Variants in PTPRF observed in about 807,000 individuals in gnomAD.
The protein encoded by PTPRF is protein tyrosine phosphatase receptor type F, also known as receptor-type tyrosine-protein phosphatase F.
In PTPRF, 59 loss-of-function variants were observed where a neutral mutation model predicts 201.8. The observed-to-expected ratio is 0.29, with a 90% CI of 0.24 to 0.36. PTPRF has a LOEUF of 0.36. Among genes scored for constraint, PTPRF ranks in the 10% least tolerant of loss-of-function variants. The pLI is 1.00. For missense variants in PTPRF, 2,132 were observed against 2,690.5 expected (o/e 0.79, Z 4.59); for synonymous variants, 1,088 against 1,089.7 (o/e 1.00, Z 0.03).
intron 11 of PTPRF, among the ~76,000 whole-genome samples, chr1:43,592,962 C>G (rs1471507418): frequency 2.0e-5 from 3 of 152,130 alleles, no homozygotes; most frequent in African/African-American, 7.2e-5. Flanking sequence ...TGCCATGTCC[C>G]AGACCTGCTT....
chr1:43,525,170 G>A (rs1643059810), upstream of PTPRF: 1 of 152,286 alleles, frequency 6.6e-6, no homozygotes, highest in African/African-American at 2.4e-5. Context: ...AAAGGAGAGA[G>A]CTGAGGAGAG....
Position 43,588,837 on chromosome 1 carries a change from C to T in PTPRF, c.786C>T (p.Tyr262=), listed in dbSNP as rs755196035. 232 of 1,613,980 alleles carry T rather than the reference C, an allele frequency of 1.4e-4. 1 individual carries two copies. The highest frequency in any genetic ancestry group is 1.2e-3 in the East Asian group (55 of 44,896). The change falls in exon 8 of 34, where the codon TAC becomes TAT. Residue 262 remains tyrosine, a synonymous_variant. Transcript: ENST00000359947. The surrounding 1 kb of genome is among the most constrained non-coding windows in gnomAD (Gnocchi z 5.3). ...TCVAVGAPMP[Y]VKWMMGAEEL... ...TGGCAGTGGGTGCACCCATGCCCTA[C>T]GTGAAGTGGATGATGGGGGCCGAGG...
chr1:43,576,674 T>C (rs1430776324), intron 6 of PTPRF, among the ~76,000 whole-genome samples: 1 of 152,236 alleles, frequency 6.6e-6, no homozygotes, highest in Admixed American at 6.5e-5. Context: ...GAAGTGTATT[T>C]CCTCTTTAAA....
chr1:43,609,352 G>T, intron 21 of PTPRF, 31 bp from the exon 22 acceptor site: 2 of 1,590,800 alleles, frequency 1.3e-6, no homozygotes, highest in Non-Finnish European at 1.7e-6. Context: ...TGGACCTCAG[G>T]TTCTCACCAG....
chr1:43,527,047 T>C (rs1396666627), upstream of PTPRF, among the ~76,000 whole-genome samples: 1 of 152,228 alleles, frequency 6.6e-6, no homozygotes, highest in African/African-American at 2.4e-5. Flanking sequence ...CTGAATTTAA[T>C]TTGGTTTAGA....
intron 2 of PTPRF, among the ~76,000 whole-genome samples, chr1:43,538,727 CTG>C (rs1297413324): frequency 1.3e-5 from 2 of 152,202 alleles, no homozygotes; most frequent in Non-Finnish European, 2.9e-5. Context: ...GTAGAAAAGA[CTG>C]TTCCCATCGA....
chr1:43,569,853 C>T (rs1646449755), intron 6 of PTPRF, 75 bp downstream of exon 6: 2 of 1,469,814 alleles, frequency 1.4e-6, no homozygotes, highest in Non-Finnish European at 1.8e-6. Context: ...GCACAGCCTA[C>T]TCCCTTGGGC....
At chr1:43,596,766 C>T (rs10890265) in intron 11 of PTPRF, among the ~76,000 whole-genome samples, 16,508 of 152,102 alleles carry the variant, frequency 0.11, 1,089 homozygotes, top group African/African-American at 0.18. Context: ...GCTGTGTGTG[C>T]GGGTGGCAGT....
upstream of PTPRF, among the ~76,000 whole-genome samples, chr1:43,530,449 T>C (rs1169049100): frequency 6.6e-6 from 1 of 152,010 alleles, no homozygotes; most frequent in Non-Finnish European, 1.5e-5. This position sits in a 1 kb window ranked among gnomAD's most constrained non-coding sequence, Gnocchi z 4.1. Context: ...TCAGAATTGG[T>C]ATTTGGGATC....
At chr1:43,617,021 C>T (rs919440370) in intron 23 of PTPRF, among the ~76,000 whole-genome samples, 11 of 151,982 alleles carry the variant, frequency 7.2e-5, no homozygotes, top group Admixed American at 4.6e-4. Flanking sequence ...GCCACCATCC[C>T]TTCCATCTGT....
intron 6 of PTPRF, 54 bp from the exon 7 acceptor site, chr1:43,578,756 C>T: frequency 2.2e-6 from 3 of 1,381,800 alleles, no homozygotes; most frequent in Non-Finnish European, 3.1e-6. Flanking sequence ...TCACCGTGTT[C>T]CAGGCCACAC....
chr1:43,570,242 T>TC (rs1443013563), intron 6 of PTPRF, among the ~76,000 whole-genome samples: 1 of 152,208 alleles, frequency 6.6e-6, no homozygotes, highest in Non-Finnish European at 1.5e-5. Flanking sequence ...CTTGCTGTTG[T>TC]CCCTCGACCA....
chr1:43,613,290 G>C lies in PTPRF; in HGVS notation c.3974-328G>C, dbSNP rs28780999. On this transcript the variant is annotated intron_variant, in intron 22 of 33. Coordinates refer to ENST00000359947, the MANE Select transcript of PTPRF (RefSeq NM_002840.5). The stretch of plus-strand genomic sequence containing the variant: ...ATGGAGCCCAGCTCCTGTCACGTCT[G>C]CTGCCACCGACCTGGGCGTCCCACC... 2,960 of 345,116 alleles carry C rather than the reference G, an allele frequency of 8.6e-3. 82 individuals are homozygous for C. Among genetic ancestry groups the C allele is most frequent in the African/African-American group, 0.06 (2,821 of 47,302 alleles). 21.4% of individuals were successfully genotyped at this position (345,116 alleles called of 1,614,324 possible).
In PTPRF at chr1:43,530,932, G is replaced by A. The variant is rs1185481720; in HGVS notation, c.-284G>A. The A allele has an allele frequency of 1.3e-5, 2 of 154,350 alleles. No individual in the cohort carries two copies. Among genetic ancestry groups the A allele is most frequent in the African/African-American group, 2.5e-5 (1 of 40,496 alleles). The allele number at this position is 154,350 out of a possible 1,614,324, so 9.6% of individuals were successfully genotyped here. ...GGCGGCGGCTCCAGCTTCGGCTCCG[G>A]CTCGGGCTCGGGCTCCGGCTCCGGC... On this transcript the variant is annotated 5_prime_UTR_variant, in exon 1 of 34. Transcript: ENST00000359947. This position sits in a 1 kb window ranked among gnomAD's most constrained non-coding sequence, Gnocchi z 4.1.
intron 1 of PTPRF, among the ~76,000 whole-genome samples, chr1:43,534,588 G>A (rs1643891415): frequency 6.6e-6 from 1 of 152,130 alleles, no homozygotes; most frequent in East Asian, 1.9e-4. Flanking sequence ...CTGTGTTAGG[G>A]ACTTGGTGAG....
chr1:43,584,839 T>C (rs1299124011), intron 7 of PTPRF, among the ~76,000 whole-genome samples: 1 of 152,224 alleles, frequency 6.6e-6, no homozygotes, highest in Non-Finnish European at 1.5e-5. Flanking sequence ...GTTATTTTCA[T>C]CAGAGAAATT....
chr1:43,584,183 G>T (rs1179679693), intron 7 of PTPRF, among the ~76,000 whole-genome samples: 1 of 152,156 alleles, frequency 6.6e-6, no homozygotes, highest in Non-Finnish European at 1.5e-5. Flanking sequence ...GGTCTGTGTG[G>T]TCAGAGGAGA....
chr1:43,607,039 T>C, intron 21 of PTPRF, 71 bp downstream of exon 21: 1 of 1,572,408 alleles, frequency 6.4e-7, no homozygotes, highest in Non-Finnish European at 8.6e-7. Context: ...CCGGGTGTGG[T>C]GCCTGTGGAG....
rs200113454 is a variant in PTPRF, at chr1:43,609,519, G to C, written c.3973+21G>C. On this transcript the variant is annotated intron_variant, in intron 22 of 33. Transcript: ENST00000359947. ...CCCAGGTAGGGCACTCCTATGGCCT[G>C]TGTGCCCCCAGCCCAGACCTAGCAG... is the stretch of plus-strand genomic sequence containing the variant. The C allele has an allele frequency of 1.5e-4, 237 of 1,594,160 alleles. 2 individuals are homozygous for C. In the South Asian group the frequency reaches 2.5e-3, roughly 17 times the overall value.
Sources: allele counts gnomAD v4.1 joint callset (sites outside exome capture counted in the v4.1 genomes callset), GRCh38; gene constraint gnomAD v4.1.1; non-coding constraint Gnocchi (gnomAD v3.1); transcripts MANE v1.5; gene names NCBI Gene and HGNC (gene_info 2026-07-23, HGNC 2026-07-21).